The following COL22A1 variants were observed in gnomAD, a reference collection of about 807,000 sequenced individuals.
COL22A1 encodes collagen type XXII alpha 1 chain, also known as collagen alpha-1(XXII) chain.
COL22A1 carries 221 observed loss-of-function variants against 248.9 expected under a neutral mutation model. The observed-to-expected ratio is 0.89, with a 90% CI of 0.80 to 0.99. The LOEUF (loss-of-function observed/expected upper bound fraction) is 0.99. Among genes scored for constraint, COL22A1 ranks in the 50% least tolerant of loss-of-function variants. The pLI is 0.00. For missense variants in COL22A1, 2,240 were observed against 2,179.0 expected (o/e 1.03, Z -0.56); for synonymous variants, 891 against 793.4 (o/e 1.12, Z -2.07).
intron 25 of COL22A1, among the ~76,000 whole-genome samples, chr8:138,722,861 T>C (rs7825031): frequency 1.1e-4 from 2 of 18,196 alleles, no homozygotes; most frequent in African/African-American, 1.8e-4. Context: ...GGGGGGGGGG[T>C]GGTGGAAAAC....
rs909664982 is a variant in COL22A1, at chr8:138,616,856, C to T, written c.3870+58G>A. ...CCTGCAGGCTGCAAGTATCTTCTGT[C>T]TGGGAAGTGTAAGCTCTGCCCACCT... On this transcript the variant is annotated intron_variant, in intron 54 of 64. Transcript: ENST00000303045. 2.5e-6 allele frequency: 4 copies of T among 1,593,974 alleles called. No individual in the cohort carries two copies. The Admixed American group carries it at 6.7e-5, about 27-fold the overall frequency.
chr8:138,822,054 T>TTTTGG (rs1819186019), intron 6 of COL22A1, among the ~76,000 whole-genome samples: 1 of 152,008 alleles, frequency 6.6e-6, no homozygotes, highest in Admixed American at 6.6e-5. Context: ...TTTTGTTTTG[T>TTTTGG]TTTGTTTTGA....
Position 138,878,204 on chromosome 8 carries a change from G to C in COL22A1, c.204C>G (p.Phe68Leu). 1 of 1,598,224 alleles carries C rather than the reference G, an allele frequency of 6.3e-7. No homozygotes were observed. Among genetic ancestry groups the C allele is most frequent in the Non-Finnish European group, 8.5e-7 (1 of 1,173,002 alleles). ...RQWVANLVDT[F>L]EVGPDRTRVG... ...CACGGGTGCGGTCGGGGCCCACCTC[G>C]AAGGTGTCCACCAGGTTGGCCACCC... The change falls in exon 3 of 65, where the codon TTC (phenylalanine) becomes TTG (leucine). Residue 68 changes from phenylalanine to leucine, a missense_variant. Coordinates refer to ENST00000303045, the MANE Select transcript of COL22A1 (RefSeq NM_152888.3).
chr8:138,811,770 T>A, intron 9 of COL22A1, 29 bp downstream of exon 9: 1 of 1,601,852 alleles, frequency 6.2e-7, no homozygotes, highest in Non-Finnish European at 8.5e-7. Context: ...AGGGTTCTGC[T>A]GGGGCTGAAG....
chr8:138,766,245 C>A (rs1833900884), intron 16 of COL22A1, among the ~76,000 whole-genome samples: 1 of 152,330 alleles, frequency 6.6e-6, no homozygotes, highest in African/African-American at 2.4e-5. Flanking sequence ...GTTCCTCTGA[C>A]TGCAGCTTAG....
At chr8:138,609,299 A>G (rs1345839003) in intron 56 of COL22A1, among the ~76,000 whole-genome samples, 2 of 152,240 alleles carry the variant, frequency 1.3e-5, no homozygotes, top group Non-Finnish European at 2.9e-5. Context: ...CATAGGCAGC[A>G]CTGATTCCAT....
intron 25 of COL22A1, among the ~76,000 whole-genome samples, chr8:138,722,423 A>T (rs542506770): frequency 2.6e-5 from 4 of 152,242 alleles, no homozygotes; most frequent in Admixed American, 1.3e-4. Flanking sequence ...GGCCCTGGGG[A>T]CAACAATGTC....
At chr8:138,669,348 G>C (rs1159517137) in intron 41 of COL22A1, among the ~76,000 whole-genome samples, 1 of 152,228 alleles carries the variant, frequency 6.6e-6, no homozygotes, top group Non-Finnish European at 1.5e-5. Context: ...TAAGGAGGCA[G>C]AGATGAGGGT....
chr8:138,792,327 T>G (rs1816132538), intron 12 of COL22A1, among the ~76,000 whole-genome samples: 1 of 152,210 alleles, frequency 6.6e-6, no homozygotes, highest in Non-Finnish European at 1.5e-5. Flanking sequence ...CTACTGTTCA[T>G]AAAGAAAGCT....
intron 7 of COL22A1, among the ~76,000 whole-genome samples, chr8:138,820,762 CTT>C (rs1435547154): frequency 6.6e-6 from 1 of 152,090 alleles, no homozygotes; most frequent in African/African-American, 2.4e-5. Context: ...GTGTGTGTGA[CTT>C]TGCAGACCTA....
intron 41 of COL22A1, among the ~76,000 whole-genome samples, chr8:138,668,923 T>A (rs1824761194): frequency 6.6e-6 from 1 of 151,952 alleles, no homozygotes; most frequent in Non-Finnish European, 1.5e-5. Flanking sequence ...TTTAGTGGGG[T>A]CGGGGGCTTC....
chr8:138,883,483 G>C (rs747903718), intron 1 of COL22A1, among the ~76,000 whole-genome samples: 1 of 152,210 alleles, frequency 6.6e-6, no homozygotes, highest in African/African-American at 2.4e-5. Flanking sequence ...GCTTGCAGAA[G>C]GGAGTAGGAG....
intron 30 of COL22A1, among the ~76,000 whole-genome samples, chr8:138,705,280 A>G (rs1828330152): frequency 6.6e-6 from 1 of 152,172 alleles, no homozygotes; most frequent in South Asian, 2.1e-4. Context: ...AAATACAGAG[A>G]ACACCACAAA....
intron 21 of COL22A1, among the ~76,000 whole-genome samples, chr8:138,754,189 T>G (rs934533385): frequency 6.6e-6 from 1 of 152,202 alleles, no homozygotes; most frequent in Non-Finnish European, 1.5e-5. Context: ...GAAATATACA[T>G]GTATGTATGC....
Position 138,689,164 on chromosome 8 carries a change from G to GA in COL22A1, c.2809-195_2809-194insT, listed in dbSNP as rs997519692. On this transcript the variant is annotated intron_variant, in intron 36 of 64. Coordinates refer to ENST00000303045, the MANE Select transcript of COL22A1 (RefSeq NM_152888.3). ...CCCATGACTGCTGCTCTCCCGGGGG[G>GA]GGGGCTGGCCTTGTAACAGTGCACA... Among the ~76,000 whole-genome samples, 4 of 146,306 alleles carry GA rather than the reference G, an allele frequency of 2.7e-5. No homozygotes were observed. In the East Asian group the frequency reaches 7.8e-4, roughly 29 times the overall value.
At chr8:138,758,242 G>C (rs1267875892) in intron 18 of COL22A1, among the ~76,000 whole-genome samples, 1 of 152,202 alleles carries the variant, frequency 6.6e-6, no homozygotes, top group Non-Finnish European at 1.5e-5. Flanking sequence ...GGACCCTTGA[G>C]ATAACTATTA....
At chr8:138,676,095 G>A (rs947735383) in intron 41 of COL22A1, among the ~76,000 whole-genome samples, 6 of 151,996 alleles carry the variant, frequency 3.9e-5, no homozygotes, top group Non-Finnish European at 4.4e-5. Flanking sequence ...ACACCTAGTA[G>A]ACTGATGTGA....
At chr8:138,913,313 C>T (rs1587036903) in intron 1 of COL22A1, among the ~76,000 whole-genome samples, 3 of 152,102 alleles carry the variant, frequency 2.0e-5, no homozygotes, top group African/African-American at 4.8e-5. Context: ...ATTTGACTCT[C>T]GGCGGCCATC....
chr8:138,732,987 T>A (rs903608040), intron 23 of COL22A1, among the ~76,000 whole-genome samples: 3 of 152,226 alleles, frequency 2.0e-5, no homozygotes, highest in African/African-American at 4.8e-5. Flanking sequence ...GACATGTTTA[T>A]TTTGGGGGGA....
Sources: allele counts gnomAD v4.1 joint callset (sites outside exome capture counted in the v4.1 genomes callset), GRCh38; gene constraint gnomAD v4.1.1; transcripts MANE v1.5; gene names NCBI Gene and HGNC (gene_info 2026-07-23, HGNC 2026-07-21).